Variants in HACE1 observed in about 807,000 individuals in gnomAD.
The protein encoded by HACE1 is HECT domain and ankyrin repeat containing E3 ubiquitin protein ligase 1, also known as E3 ubiquitin-protein ligase HACE1.
A neutral mutation model predicts 118.4 loss-of-function variants in HACE1; 73 were observed. The observed-to-expected ratio is 0.62, with a 90% confidence interval of 0.51 to 0.75. The LOEUF (loss-of-function observed/expected upper bound fraction) is 0.75, where lower values mean the gene tolerates loss of function less well. HACE1 is among the 30% of genes least tolerant of loss of function. The pLI is 0.00. For missense variants in HACE1, 749 were observed against 1,102.2 expected (o/e 0.68, Z 4.54); for synonymous variants, 368 against 374.8 (o/e 0.98, Z 0.21).
intron 9 of HACE1, 65 bp downstream of exon 9, chr6:104,796,590 A>C: frequency 1.2e-6 from 1 of 838,668 alleles, no homozygotes; most frequent in East Asian, 2.5e-5. Context: ...CATTTGTAAA[A>C]TGTCATATAT....
chr6:104,778,916 G>C (rs1246348706), intron 14 of HACE1, among the ~76,000 whole-genome samples: 1 of 152,112 alleles, frequency 6.6e-6, no homozygotes, highest in Non-Finnish European at 1.5e-5. Flanking sequence ...ACTCCTAGAA[G>C]GTACTGGTGG....
intron 6 of HACE1, among the ~76,000 whole-genome samples, chr6:104,817,215 TA>T (rs1471939515): frequency 2.0e-5 from 3 of 152,092 alleles, no homozygotes; most frequent in Non-Finnish European, 2.9e-5. Context: ...TGGGAGGGGT[TA>T]GGGGTGGAAT....
chr6:104,831,994 GGAAGGA>G (rs1582692107), intron 6 of HACE1, among the ~76,000 whole-genome samples: 8 of 77,630 alleles, frequency 1.0e-4, no homozygotes, highest in East Asian at 7.6e-4. Context: ...AAGGAAGGAA[GGAAGGA>G]AGGAAGGAAG....
At chr6:104,858,414 C>A (rs1776956333) in intron 1 of HACE1, 3 of 291,670 alleles carry the variant, frequency 1.0e-5, no homozygotes, top group Admixed American at 9.5e-5. Flanking sequence ...AGAAGATTAT[C>A]CCCAGGCCAG....
intron 6 of HACE1, among the ~76,000 whole-genome samples, chr6:104,828,491 T>A (rs1290539597): frequency 6.6e-6 from 1 of 152,042 alleles, no homozygotes; most frequent in Admixed American, 6.5e-5. Context: ...AGAATTCTGG[T>A]ATGATACAGC....
intron 17 of HACE1, among the ~76,000 whole-genome samples, chr6:104,774,537 A>G (rs1781019494): frequency 6.6e-6 from 1 of 151,894 alleles, no homozygotes; most frequent in Admixed American, 6.6e-5. Context: ...AGCACATGCC[A>G]CCATGCCCAG....
At chr6:104,785,375 A>C (rs1339442517) in intron 11 of HACE1, 56 bp from the exon 12 acceptor site, 1 of 956,154 alleles carries the variant, frequency 1.0e-6, no homozygotes, top group African/African-American at 1.7e-5. Flanking sequence ...GGATTAAAAA[A>C]AAAAAAACAA....
intron 19 of HACE1, among the ~76,000 whole-genome samples, chr6:104,757,334 T>G (rs895930424): frequency 1.3e-5 from 2 of 152,138 alleles, no homozygotes; most frequent in African/African-American, 2.4e-5. Flanking sequence ...GGGACGAAGC[T>G]TCCAGAAGAA....
At chr6:104,851,310 T>C (rs1324714821) in intron 2 of HACE1, among the ~76,000 whole-genome samples, 1 of 152,198 alleles carries the variant, frequency 6.6e-6, no homozygotes. Context: ...TCTCAATCTC[T>C]TGACCTCGTG....
intron 22 of HACE1, 127 bp from the exon 23 acceptor site, chr6:104,730,543 G>A (rs1344728774): frequency 7.4e-6 from 5 of 673,760 alleles, no homozygotes; most frequent in Non-Finnish European, 1.1e-5. Flanking sequence ...ACACTTTTTA[G>A]TCTACAAAAC....
chr6:104,773,363 G>A lies in HACE1; in HGVS notation c.1865-1289C>T, dbSNP rs1460515781. Among the ~76,000 whole-genome samples, 7 of 152,132 alleles carry A rather than the reference G, an allele frequency of 4.6e-5. No individual in the cohort carries two copies. The East Asian group carries it at 1.3e-3, about 29-fold the overall frequency. The stretch of plus-strand genomic sequence containing the variant: ...TTTCACTGGTCTTTGATTTCTCGGT[G>A]CTGACACCAGGTTAACCTGCTGACT... On this transcript the variant is annotated intron_variant, in intron 17 of 23. Coordinates refer to ENST00000262903, the MANE Select transcript of HACE1 (RefSeq NM_020771.4).
At chr6:104,805,839 G>C (rs1246558418) in intron 7 of HACE1, among the ~76,000 whole-genome samples, 2 of 151,276 alleles carry the variant, frequency 1.3e-5, no homozygotes, top group Non-Finnish European at 2.9e-5. Context: ...ATGTACCCTG[G>C]AACTTAAAAG....
chr6:104,806,252 A>G (rs1363810132), intron 7 of HACE1, among the ~76,000 whole-genome samples: 1 of 152,152 alleles, frequency 6.6e-6, no homozygotes, highest in African/African-American at 2.4e-5. Context: ...ACTTGAGGCC[A>G]GGCGTTGAAG....
chr6:104,763,858 T>C (rs1779675892), intron 19 of HACE1, among the ~76,000 whole-genome samples: 1 of 152,112 alleles, frequency 6.6e-6, no homozygotes, highest in African/African-American at 2.4e-5. Flanking sequence ...GAGACCAGCC[T>C]GGCCAACATG....
At chr6:104,831,019 C>G (rs1488461610) in intron 6 of HACE1, 1 of 151,972 alleles carries the variant, frequency 6.6e-6, no homozygotes, top group Non-Finnish European at 1.5e-5. Context: ...CCTCAGCCTC[C>G]CAAACAGCTG....
In HACE1 at chr6:104,728,604, T is replaced by C. The variant is rs1046322872; in HGVS notation, c.*1058A>G. 1 of 152,198 alleles carries C rather than the reference T, an allele frequency of 6.6e-6. No individual in the cohort carries two copies. The highest frequency in any genetic ancestry group is 1.5e-5 in the Non-Finnish European group (1 of 68,028). 9.4% of individuals were successfully genotyped at this position (152,198 alleles called of 1,614,324 possible). A position where few individuals can be genotyped will look rare whatever the true frequency, so the allele number is the denominator to read the frequency against. ...TGTCATTAATATTCTATTTTTAGTTTCCAAGGGAAGATCCTAAACATAACA... is the reference window on the plus strand; with the variant it reads ...TGTCATTAATATTCTATTTTTAGTTCCCAAGGGAAGATCCTAAACATAACA... On this transcript the variant is annotated 3_prime_UTR_variant, in exon 24 of 24. Coordinates refer to ENST00000262903, the MANE Select transcript of HACE1 (RefSeq NM_020771.4).
intron 6 of HACE1, among the ~76,000 whole-genome samples, chr6:104,811,617 G>C (rs201008846): frequency 6.6e-6 from 1 of 152,212 alleles, no homozygotes; most frequent in East Asian, 1.9e-4. Context: ...CAGTGTAATA[G>C]AAACTGTGTT....
In HACE1 at chr6:104,849,157, AAATG is replaced by A; in HGVS notation, c.307_310del (p.His103TrpfsTer11). On this transcript the variant is annotated frameshift_variant, in exon 4 of 24. Transcript: ENST00000262903. LOFTEE classifies it high-confidence loss of function. ...AAATAGTTACCCATTTCTTGCTGCC[AAATG>A]AAGGGGTGTACAGCCTGAAATATCT... is the stretch of plus-strand genomic sequence containing the variant. 1 of 1,591,184 alleles carries A rather than the reference AAATG, an allele frequency of 6.3e-7. No homozygotes were observed. Among genetic ancestry groups the A allele is most frequent in the Non-Finnish European group, 8.6e-7 (1 of 1,158,990 alleles).
At chr6:104,858,319 T>G in intron 1 of HACE1, 1 of 197,218 alleles carries the variant, frequency 5.1e-6, no homozygotes, top group Non-Finnish European at 1.1e-5. Context: ...AGGTGGAAGT[T>G]GGAAAGAAAA....
Sources: gnomAD v4.1 joint callset for allele counts (sites outside exome capture counted in the v4.1 genomes callset) on GRCh38, gnomAD v4.1.1 for gene constraint, MANE v1.5 for transcripts, NCBI Gene and HGNC (gene_info 2026-07-23, HGNC 2026-07-21) for gene names.